Variants in FBLN1 observed in about 807,000 individuals in gnomAD.
FBLN1 encodes fibulin 1, also known as fibulin-1.
FBLN1 carries 34 observed loss-of-function variants against 89.7 expected under a neutral mutation model. That is an observed-to-expected ratio of 0.38 (90% CI 0.29 to 0.50). FBLN1 has a LOEUF of 0.50. Ranked by LOEUF, FBLN1 falls within the 20% of genes least tolerant of loss-of-function variation. The probability of loss-of-function intolerance (pLI) is 0.92; values close to 1 mark genes in which losing one functional copy is unlikely to be tolerated. For synonymous variants in FBLN1, 393 were observed against 391.3 expected, an observed-to-expected ratio of 1.00 and a Z score of -0.05; for missense variants, 777 against 988.1, an observed-to-expected ratio of 0.79 and a Z score of 2.86.
In FBLN1 at chr22:45,577,766, G is replaced by A. The variant is rs1474049223; in HGVS notation, c.1972+658G>A. ...ATGAGGGGACTGTGGAAGTCCTGTT[G>A]GTGGGTGCAGGCTGGGGAAGATGTT... On this transcript the variant is annotated intron_variant, in intron 16 of 16. Coordinates refer to ENST00000327858, the MANE Select transcript of FBLN1 (RefSeq NM_006486.3). This position sits in a 1 kb window ranked among gnomAD's most constrained non-coding sequence, Gnocchi z 6.6. 1 of 175,558 alleles carries A rather than the reference G, an allele frequency of 5.7e-6. No homozygotes were observed. Among genetic ancestry groups the A allele is most frequent in the Non-Finnish European group, 1.2e-5 (1 of 81,666 alleles). The allele number at this position is 175,558 out of a possible 1,614,324, so 10.9% of individuals were successfully genotyped here.
intron 11 of FBLN1, among the ~76,000 whole-genome samples, chr22:45,544,284 C>A (rs13058328): frequency 0.36 from 54,444 of 151,822 alleles, 10,407 homozygotes; most frequent in Middle Eastern, 0.5. Flanking sequence ...ACAGGGTTTC[C>A]CCATGTTGGC....
Position 45,579,943 on chromosome 22 carries a change from G to A in FBLN1, c.1972+2835G>A, listed in dbSNP as rs1036329141. Among the ~76,000 whole-genome samples, 107 of 151,958 alleles carry A rather than the reference G, an allele frequency of 7.0e-4. No individual in the cohort carries two copies. Among genetic ancestry groups the A allele is most frequent in the African/African-American group, 2.6e-3 (106 of 41,446 alleles). Reference sequence around the variant, plus strand: ...AATAGATGGTTCCACCGTTGGACTCGAGCCCAGCCTGAAGCAGCCCTGAAA... The same window carrying A: ...AATAGATGGTTCCACCGTTGGACTCAAGCCCAGCCTGAAGCAGCCCTGAAA... On this transcript the variant is annotated intron_variant, in intron 16 of 16. Transcript: ENST00000327858. The surrounding 1 kb of genome is among the most constrained non-coding windows in gnomAD (Gnocchi z 5.5).
At chr22:45,570,784 A>G (rs1467465340) in intron 14 of FBLN1, among the ~76,000 whole-genome samples, 1 of 152,168 alleles carries the variant, frequency 6.6e-6, no homozygotes, top group African/African-American at 2.4e-5. Flanking sequence ...CAACAAGAAC[A>G]ACCAACACCA....
In FBLN1 at chr22:45,531,248, G is replaced by T. The variant is rs1380015843; in HGVS notation, c.485-17G>T. 2 of 1,612,216 alleles carry T rather than the reference G, an allele frequency of 1.2e-6. No individual in the cohort carries two copies. Among genetic ancestry groups the T allele is most frequent in the Admixed American group, 3.3e-5 (2 of 59,988 alleles). ...GGTGTTTGGATAAATGTCTGACTTG[G>T]TCTTTTTCCCCCTTAGATAAGATCA... On this transcript the variant is annotated splice_polypyrimidine_tract_variant and intron_variant, in intron 4 of 16. Transcript: ENST00000327858. The surrounding 1 kb of genome is among the most constrained non-coding windows in gnomAD (Gnocchi z 4.9).
chr22:45,536,126 A>G lies in FBLN1; in HGVS notation c.922+789A>G, dbSNP rs1225452858. Among the ~76,000 whole-genome samples, 1 of 152,232 alleles carries G rather than the reference A, an allele frequency of 6.6e-6. No individual in the cohort carries two copies. The highest frequency in any genetic ancestry group is 2.4e-5 in the African/African-American group (1 of 41,474). ...GAGGTCGAGGCTGCAGTGAGCTGTG[A>G]TCGTGCTACTGCACTCCAGTCTGGG... is the stretch of plus-strand genomic sequence containing the variant. On this transcript the variant is annotated intron_variant, in intron 8 of 16. Coordinates refer to ENST00000327858, the MANE Select transcript of FBLN1 (RefSeq NM_006486.3). This position sits in a 1 kb window ranked among gnomAD's most constrained non-coding sequence, Gnocchi z 5.1.
chr22:45,558,437 G>A (rs995592522), intron 14 of FBLN1: 8 of 169,812 alleles, frequency 4.7e-5, no homozygotes, highest in Admixed American at 1.2e-4. Flanking sequence ...GCCTTGCTCC[G>A]AAAGCCTAGA....
intron 6 of FBLN1, among the ~76,000 whole-genome samples, 182 bp from the exon 7 acceptor site, chr22:45,533,579 G>A (rs2088439162): frequency 6.6e-6 from 1 of 152,238 alleles, no homozygotes; most frequent in East Asian, 1.9e-4. Context: ...TAGCAGGGGA[G>A]AGAAATCACT....
intron 16 of FBLN1, among the ~76,000 whole-genome samples, chr22:45,596,139 G>A (rs2089183976): frequency 6.6e-6 from 1 of 152,224 alleles, no homozygotes; most frequent in South Asian, 2.1e-4. Flanking sequence ...AAAGTGCCGG[G>A]ATCACAGGCG....
chr22:45,506,904 A>G (rs541426676), intron 1 of FBLN1, among the ~76,000 whole-genome samples: 1 of 152,278 alleles, frequency 6.6e-6, no homozygotes, highest in Non-Finnish European at 1.5e-5. Flanking sequence ...TTATTTTGCC[A>G]GCATATTTTA....
In FBLN1 at chr22:45,553,731, A is replaced by T. The variant is rs112189150; in HGVS notation, c.1697+3116A>T. Among the ~76,000 whole-genome samples the T allele has an allele frequency of 7.0e-3, 1,063 of 152,244 alleles. 10 individuals are homozygous for T. Among genetic ancestry groups the T allele is most frequent in the Middle Eastern group, 0.044 (13 of 294 alleles). On this transcript the variant is annotated intron_variant, in intron 14 of 16. Coordinates refer to ENST00000327858, the MANE Select transcript of FBLN1 (RefSeq NM_006486.3). ...AGGTTTTGGGGTGCTCTGAGGAATG[A>T]CTGTGTGGGGTCGGAGGGGGAGCCT...
intron 14 of FBLN1, among the ~76,000 whole-genome samples, chr22:45,560,288 A>G (rs184803192): frequency 6.6e-6 from 1 of 152,368 alleles, no homozygotes. Context: ...GTTAGATCTG[A>G]CATACCAAGA....
intron 14 of FBLN1, among the ~76,000 whole-genome samples, chr22:45,552,531 C>T (rs1000747662): frequency 6.6e-6 from 1 of 152,172 alleles, no homozygotes; most frequent in Non-Finnish European, 1.5e-5. Context: ...CTGCTTAACA[C>T]GTTTTTTCAT....
Position 45,530,878 on chromosome 22 carries a change from C to T in FBLN1, c.485-387C>T, listed in dbSNP as rs1453652311. ...TCCTGAGTTCAAGCGATTATCCTGCCTCAACTTCCTGAGTACCTGAGATTA... is the reference window on the plus strand; with the variant it reads ...TCCTGAGTTCAAGCGATTATCCTGCTTCAACTTCCTGAGTACCTGAGATTA... On this transcript the variant is annotated intron_variant, in intron 4 of 16. Coordinates refer to ENST00000327858, the MANE Select transcript of FBLN1 (RefSeq NM_006486.3). The surrounding 1 kb of genome is among the most constrained non-coding windows in gnomAD (Gnocchi z 5.4). Among the ~76,000 whole-genome samples the T allele has an allele frequency of 1.3e-5, 2 of 152,104 alleles. No homozygotes were observed. Among genetic ancestry groups the T allele is most frequent in the Non-Finnish European group, 2.9e-5 (2 of 68,026 alleles).
At chr22:45,535,147 G>C (rs921338041) in intron 7 of FBLN1, 53 bp from the exon 8 acceptor site, 4 of 1,608,100 alleles carry the variant, frequency 2.5e-6, no homozygotes, top group Non-Finnish European at 3.4e-6. Context: ...AGTGTTGTAA[G>C]ATGCTTCTGG....
intron 1 of FBLN1, among the ~76,000 whole-genome samples, chr22:45,512,973 T>C (rs2088121385): frequency 6.6e-6 from 1 of 152,204 alleles, no homozygotes; most frequent in Non-Finnish European, 1.5e-5. Context: ...TTATTTTGGT[T>C]GCAAAGTTGC....
rs762465368 is a variant in FBLN1 at position 45,600,491 on chromosome 22, C to T, written c.*45C>T. On this transcript the variant is annotated 3_prime_UTR_variant, in exon 17 of 17. Coordinates refer to ENST00000327858, the MANE Select transcript of FBLN1 (RefSeq NM_006486.3). ...CCGCAGGTGCACCTCCAGGCCAAAT[C>T]ATTGCTGCCAGTGACTGTGGTCTGT... 6.2e-7 allele frequency: 1 copy of T among 1,611,964 alleles called. No homozygotes were observed. The highest frequency in any genetic ancestry group is 8.5e-7 in the Non-Finnish European group (1 of 1,178,192).
chr22:45,565,397 C>T (rs1295977204), intron 14 of FBLN1: 2 of 702,390 alleles, frequency 2.8e-6, no homozygotes, highest in South Asian at 3.7e-5. Flanking sequence ...CTTGCCCTTC[C>T]CTGAATCTGC....
At chr22:45,543,365 G>A in intron 10 of FBLN1, 36 bp from the exon 11 acceptor site, 1 of 1,608,334 alleles carries the variant, frequency 6.2e-7, no homozygotes, top group South Asian at 1.1e-5. Flanking sequence ...CACTGTGTTG[G>A]ACATTGCCCT....
intron 16 of FBLN1, among the ~76,000 whole-genome samples, chr22:45,586,821 C>G (rs1171711753): frequency 6.6e-6 from 1 of 151,930 alleles, no homozygotes; most frequent in Admixed American, 6.5e-5. Context: ...GGAGTCAGCC[C>G]GAGGGCCCAG....
Sources: allele counts gnomAD v4.1 joint callset (sites outside exome capture counted in the v4.1 genomes callset), GRCh38; gene constraint gnomAD v4.1.1; non-coding constraint Gnocchi (gnomAD v3.1); transcripts MANE v1.5; gene names NCBI Gene and HGNC (gene_info 2026-07-23, HGNC 2026-07-21).